Variants in LPA observed in about 807,000 individuals in gnomAD.
LPA encodes apolipoprotein(a).
A neutral mutation model predicts 197.9 loss-of-function variants in LPA; 199 were observed. The ratio of observed to expected loss-of-function variants is 1.01; its 90% CI spans 0.90 to 1.13. The LOEUF (loss-of-function observed/expected upper bound fraction) is 1.13. Among genes scored for constraint, LPA ranks in the 50% most tolerant of loss-of-function variants. The pLI is 0.00. For synonymous variants in LPA, 715 were observed against 639.5 expected, an observed-to-expected ratio of 1.12 and a Z score of -1.78; for missense variants, 1,853 against 1,785.8, an observed-to-expected ratio of 1.04 and a Z score of -0.68.
At chr6:160,605,336 C>G in intron 17 of LPA, 131 bp from the exon 18 acceptor site, 1 of 1,136,580 alleles carries the variant, frequency 8.8e-7, no homozygotes, top group South Asian at 1.3e-5. Context: ...AAGTAACATT[C>G]TTGTTTCTTT....
At chr6:160,580,583 T>C (rs573476751) in intron 26 of LPA, among the ~76,000 whole-genome samples, 59 of 152,330 alleles carry the variant, frequency 3.9e-4, no homozygotes, top group African/African-American at 1.3e-3. Flanking sequence ...CTTATTATTG[T>C]GTCTTCTTAA....
intron 17 of LPA, among the ~76,000 whole-genome samples, chr6:160,605,503 G>A (rs962983129): frequency 1.3e-5 from 2 of 152,172 alleles, no homozygotes; most frequent in African/African-American, 4.8e-5. Flanking sequence ...CTTCTCAATG[G>A]AAACTGTGCT....
chr6:160,563,327 C>T (rs1215442305), intron 28 of LPA, among the ~76,000 whole-genome samples: 1 of 152,156 alleles, frequency 6.6e-6, no homozygotes, highest in African/African-American at 2.4e-5. Flanking sequence ...GTTATTTACC[C>T]AGTAGTAATT....
intron 31 of LPA, 30 bp from the exon 32 acceptor site, chr6:160,547,967 G>T (rs773045378): frequency 6.2e-7 from 1 of 1,612,304 alleles, no homozygotes; most frequent in African/African-American, 1.3e-5. Context: ...TAAAACAGAT[G>T]ATTACAGACA....
At chr6:160,552,456 G>A (rs573257189) in intron 30 of LPA, among the ~76,000 whole-genome samples, 7 of 152,280 alleles carry the variant, frequency 4.6e-5, no homozygotes, top group African/African-American at 1.7e-4. Flanking sequence ...TGAGCATAGT[G>A]TGTGAAATTT....
intron 28 of LPA, among the ~76,000 whole-genome samples, chr6:160,565,036 G>C (rs564080462): frequency 3.3e-5 from 5 of 152,200 alleles, no homozygotes; most frequent in Non-Finnish European, 7.3e-5. Flanking sequence ...AGCTCAAACT[G>C]GGTGGAGCCC....
chr6:160,547,222 TG>T (rs1225077786), intron 32 of LPA, among the ~76,000 whole-genome samples: 1 of 152,142 alleles, frequency 6.6e-6, no homozygotes, highest in Non-Finnish European at 1.5e-5. Context: ...TGCAAGTAGG[TG>T]GTCCCATCTG....
chr6:160,551,495 AT>A, intron 30 of LPA, among the ~76,000 whole-genome samples: 1 of 152,066 alleles, frequency 6.6e-6, no homozygotes. Context: ...TTGCCTATTT[AT>A]TTTCTTAACA....
intron 28 of LPA, among the ~76,000 whole-genome samples, chr6:160,572,790 G>C (rs964366483): frequency 3.9e-5 from 6 of 152,078 alleles, no homozygotes; most frequent in Middle Eastern, 3.2e-3. Flanking sequence ...AATCTGATAG[G>C]GTTTCCTTTA....
At chr6:160,610,887 C>T (rs568386876) in intron 16 of LPA, among the ~76,000 whole-genome samples, 1 of 152,134 alleles carries the variant, frequency 6.6e-6, no homozygotes, top group Non-Finnish European at 1.5e-5. Flanking sequence ...ATGTAGAAAC[C>T]ATTTTTCCAT....
At chr6:160,550,987 C>CT (rs758510066) in intron 30 of LPA, among the ~76,000 whole-genome samples, 26 of 152,110 alleles carry the variant, frequency 1.7e-4, no homozygotes, top group Non-Finnish European at 2.9e-4. Context: ...AAAAATAAAG[C>CT]TGCTATGAAT....
chr6:160,663,186 A>G (rs1277755525), intron 1 of LPA, among the ~76,000 whole-genome samples: 3 of 152,212 alleles, frequency 2.0e-5, no homozygotes, highest in African/African-American at 7.2e-5. Context: ...CACTTTCTTT[A>G]TACCAGACTT....
chr6:160,565,100 G>A (rs945164488), intron 28 of LPA, among the ~76,000 whole-genome samples: 1 of 152,170 alleles, frequency 6.6e-6, no homozygotes, highest in African/African-American at 2.4e-5. Flanking sequence ...CTGGGGGCAG[G>A]GCATAGCTGA....
chr6:160,648,422 C>T (rs1308876178), intron 2 of LPA, among the ~76,000 whole-genome samples: 1 of 152,066 alleles, frequency 6.6e-6, no homozygotes, highest in African/African-American at 2.4e-5. Flanking sequence ...TTCAGCCATC[C>T]TTGCTTTCAG....
chr6:160,589,287 G>GGTC (rs1179341576), intron 24 of LPA, among the ~76,000 whole-genome samples: 1 of 152,184 alleles, frequency 6.6e-6, no homozygotes, highest in Non-Finnish European at 1.5e-5. Flanking sequence ...CTAAGCACAT[G>GGTC]GTCATATGTT....
In LPA at chr6:160,589,581, G is replaced by A. The variant is rs1406394927; in HGVS notation, c.3919C>T (p.Gln1307Ter). ...SWSSMTPHWH[Q>*]RTTEYYPNGG... ...TTTGGGTAGTATTCTGTGGTTCTCTGATGCCAGTGTGGTGTCATAGAGGAC... is the reference window on the plus strand; with the variant it reads ...TTTGGGTAGTATTCTGTGGTTCTCTAATGCCAGTGTGGTGTCATAGAGGAC... Residue 1307 changes from glutamine to a stop codon, truncating the protein, a stop_gained, in exon 24 of 39, where the codon CAG becomes TAG. Transcript: ENST00000316300. LOFTEE classifies it high-confidence loss of function. 1.2e-6 allele frequency: 2 copies of A among 1,613,736 alleles called. No individual in the cohort carries two copies. Among genetic ancestry groups the A allele is most frequent in the East Asian group, 4.5e-5 (2 of 44,862 alleles).
At chr6:160,608,190 T>C (rs1363217721) in intron 16 of LPA, among the ~76,000 whole-genome samples, 2 of 152,166 alleles carry the variant, frequency 1.3e-5, no homozygotes, top group African/African-American at 4.8e-5. Flanking sequence ...CTGCAGAAAG[T>C]TCCCTTCTTG....
intron 1 of LPA, among the ~76,000 whole-genome samples, chr6:160,654,074 A>G (rs1200535963): frequency 2.5e-5 from 1 of 40,136 alleles, no homozygotes; most frequent in African/African-American, 1.2e-4. Context: ...ATTATATATA[A>G]TATATATTAT....
intron 29 of LPA, among the ~76,000 whole-genome samples, chr6:160,556,506 A>G (rs1778266049): frequency 1.3e-5 from 2 of 152,082 alleles, no homozygotes; most frequent in South Asian, 4.1e-4. Context: ...AAACCAGACG[A>G]TGATGGATTA....
Sources: allele counts gnomAD v4.1 joint callset (sites outside exome capture counted in the v4.1 genomes callset), GRCh38; gene constraint gnomAD v4.1.1; transcripts MANE v1.5; gene names NCBI Gene and HGNC (gene_info 2026-07-23, HGNC 2026-07-21).